AGL: variants seen among roughly 807,000 people sequenced by gnomAD.
AGL encodes the protein glycogen debranching enzyme.
In AGL, 128 loss-of-function variants were observed where a neutral mutation model predicts 199.3. The observed-to-expected ratio is 0.64, with a 90% CI of 0.56 to 0.74. The LOEUF (loss-of-function observed/expected upper bound fraction) is 0.74, where lower values mean the gene tolerates loss of function less well. AGL is among the 30% of genes least tolerant of loss of function. The pLI is 0.00. For synonymous variants in AGL, 584 were observed against 594.7 expected (o/e 0.98, Z 0.26); for missense variants, 1,809 against 1,820.8 (o/e 0.99, Z 0.12).
intron 8 of AGL, 112 bp downstream of exon 8, chr1:99,874,922 AATTCAC>A: frequency 7.7e-7 from 1 of 1,294,396 alleles, no homozygotes; most frequent in Non-Finnish European, 1.1e-6. Flanking sequence ...GAAATAAAGT[AATTCAC>A]TGTAATTCTA....
chr1:99,851,152 C>A, intron 2 of AGL, 28 bp downstream of exon 2: 3 of 1,571,526 alleles, frequency 1.9e-6, no homozygotes, highest in Non-Finnish European at 2.6e-6. Flanking sequence ...TTGATTTGCT[C>A]ATTTGCGTCT....
intron 33 of AGL, among the ~76,000 whole-genome samples, chr1:99,917,269 A>T (rs1434823925): frequency 6.6e-6 from 1 of 152,174 alleles, no homozygotes; most frequent in Admixed American, 6.5e-5. Flanking sequence ...ATTTTAGATT[A>T]TACCTAAGTA....
At chr1:99,915,786 A>G (rs1245293654) in intron 31 of AGL, among the ~76,000 whole-genome samples, 1 of 151,868 alleles carries the variant, frequency 6.6e-6, no homozygotes, top group Non-Finnish European at 1.5e-5. Context: ...ACACACACAC[A>G]CACGCACACA....
At chr1:99,880,192 T>G (rs1416205724) in intron 13 of AGL, 146 bp downstream of exon 13, 1 of 1,272,658 alleles carries the variant, frequency 7.9e-7, no homozygotes, top group Non-Finnish European at 1.1e-6. Context: ...TATTCTAATA[T>G]AACTCAGTCT....
At position 99,902,765 on chromosome 1, in the gene AGL, C is replaced by T; in HGVS notation, c.3671C>T (p.Pro1224Leu). 6.2e-7 allele frequency: 1 copy of T among 1,613,174 alleles called. No individual in the cohort carries two copies. The highest frequency in any genetic ancestry group is 1.7e-5 in the Admixed American group (1 of 59,980). ...CAGTTCCGAGAAAGGAATGCTGGTC[C>T]CCAGATAGATCGAAACATGAAGGAC... Reference protein sequence around the residue: ...GIQFRERNAGPQIDRNMKDEG... With the variant: ...GIQFRERNAGLQIDRNMKDEG... Residue 1224 changes from proline (P) to leucine (L), a missense_variant, in exon 27 of 34, where the codon CCC becomes CTC. By Grantham distance (98) the Pro-to-Leu change is moderately conservative. Transcript: ENST00000361915.
chr1:99,918,119 A>G (rs894025985), intron 33 of AGL, among the ~76,000 whole-genome samples: 2 of 152,144 alleles, frequency 1.3e-5, no homozygotes, highest in African/African-American at 4.8e-5. Flanking sequence ...AGTGTAAAAC[A>G]TCTGTGTTTT....
chr1:99,874,939 C>CTATT, intron 8 of AGL, 129 bp downstream of exon 8: 9 of 1,237,642 alleles, frequency 7.3e-6, no homozygotes, highest in Non-Finnish European at 1.0e-5. Context: ...TGTAATTCTA[C>CTATT]TATTTCAGCA....
chr1:99,912,833 T>G (rs1654845895), intron 29 of AGL, among the ~76,000 whole-genome samples: 2 of 152,240 alleles, frequency 1.3e-5, no homozygotes, highest in South Asian at 4.1e-4. Context: ...AGAATAGTGC[T>G]GTCCAAAATA....
chr1:99,879,401 A>G (rs1181313119), intron 12 of AGL, among the ~76,000 whole-genome samples: 1 of 152,156 alleles, frequency 6.6e-6, no homozygotes, highest in African/African-American at 2.4e-5. Context: ...CCTGACCAAC[A>G]TGGAGAAACC....
chr1:99,884,204 G>A lies in AGL; in HGVS notation c.2393G>A (p.Gly798Glu). The change falls in exon 18 of 34, where the codon GGA (glycine) becomes GAA (glutamate). Residue 798 changes from glycine to glutamate, a missense_variant. Transcript: ENST00000361915. Reference sequence around the variant, plus strand: ...AGGAAGGATGAGAATTCAATCAATGGAACACCAGATATCACAGTAGAAATT... The same window carrying A: ...AGGAAGGATGAGAATTCAATCAATGAAACACCAGATATCACAGTAGAAATT... ...PYRKDENSIN[G>E]TPDITVEIRE... 1.2e-6 allele frequency: 2 copies of A among 1,613,178 alleles called. No individual in the cohort carries two copies. The highest frequency in any genetic ancestry group is 1.7e-6 in the Non-Finnish European group (2 of 1,179,378).
intron 30 of AGL, among the ~76,000 whole-genome samples, chr1:99,915,047 C>T (rs1016828177): frequency 2.0e-5 from 3 of 151,936 alleles, no homozygotes; most frequent in Non-Finnish European, 1.5e-5. Context: ...GCCACTGCAC[C>T]CCAGCCTGGT....
chr1:99,913,405 A>G (rs1654891371), intron 29 of AGL, 122 bp from the exon 30 acceptor site: 2 of 851,388 alleles, frequency 2.3e-6, no homozygotes, highest in Non-Finnish European at 3.8e-6. Context: ...ACATTTTCCA[A>G]AAGTGGATAA....
intron 7 of AGL, 188 bp from the exon 8 acceptor site, chr1:99,874,499 G>GCGTGCACGCA (rs200001489): frequency 6.8e-4 from 398 of 586,024 alleles, no homozygotes; most frequent in Middle Eastern, 5.2e-3. Flanking sequence ...GTGTGTTTGC[G>GCGTGCACGCA]CGTGCACGCA....
At chr1:99,852,747 T>A (rs201952051) in intron 2 of AGL, 2 of 780,136 alleles carry the variant, frequency 2.6e-6, no homozygotes, top group East Asian at 4.8e-5. Flanking sequence ...CTTTCTAGGT[T>A]TTGAGACTCA....
At chr1:99,891,423 A>G in intron 22 of AGL, 67 bp downstream of exon 22, 2 of 1,554,822 alleles carry the variant, frequency 1.3e-6, no homozygotes, top group Non-Finnish European at 1.8e-6. Flanking sequence ...CATGTTATAT[A>G]TAATATTTAC....
chr1:99,909,155 A>G (rs1197809838), intron 27 of AGL, among the ~76,000 whole-genome samples: 2 of 151,858 alleles, frequency 1.3e-5, no homozygotes, highest in African/African-American at 4.8e-5. Flanking sequence ...TGCTGTCAGG[A>G]GAGGGGAGCA....
rs1331110188 is a variant in AGL, at chr1:99,896,299, T to C, written c.3273T>C (p.Phe1091=). 6.2e-7 allele frequency: 1 copy of C among 1,613,928 alleles called. No homozygotes were observed. The highest frequency in any genetic ancestry group is 8.5e-7 in the Non-Finnish European group (1 of 1,179,840). The change falls in exon 25 of 34, where the codon TTT becomes TTC. Residue 1091 remains phenylalanine, a synonymous_variant. Coordinates refer to ENST00000361915, the MANE Select transcript of AGL (RefSeq NM_000642.3). ...TTTTTTTGTTAGGCTTACCTCATTT[T>C]TCTTCTGGTATTTTCCGCTGCTGGG... ...CVSLAAGLPH[F]SSGIFRCWGR...
At chr1:99,904,748 C>T (rs185015656) in intron 27 of AGL, among the ~76,000 whole-genome samples, 3 of 152,244 alleles carry the variant, frequency 2.0e-5, no homozygotes, top group Admixed American at 6.5e-5. Flanking sequence ...TTTCACTGTG[C>T]ATAATGCCCT....
chr1:99,921,738 T>C lies in AGL; in HGVS notation c.*87T>C. On this transcript the variant is annotated 3_prime_UTR_variant, in exon 34 of 34. Coordinates refer to ENST00000361915, the MANE Select transcript of AGL (RefSeq NM_000642.3). ...AATGCCTTATATGCACAGGCTCAAGTTGTTTTAAAAATCTCATTTATTATA... is the reference window on the plus strand; with the variant it reads ...AATGCCTTATATGCACAGGCTCAAGCTGTTTTAAAAATCTCATTTATTATA... 9.1e-6 allele frequency: 8 copies of C among 883,776 alleles called. No individual in the cohort carries two copies. The highest frequency in any genetic ancestry group is 1.4e-5 in the Non-Finnish European group (8 of 563,124). 54.7% of individuals were successfully genotyped at this position (883,776 alleles called of 1,614,324 possible).
Sources: gnomAD v4.1 joint callset for allele counts (sites outside exome capture counted in the v4.1 genomes callset) on GRCh38, gnomAD v4.1.1 for gene constraint, MANE v1.5 for transcripts, NCBI Gene and HGNC (gene_info 2026-07-23, HGNC 2026-07-21) for gene names.